NLGN4X: variants seen among roughly 807,000 people sequenced by gnomAD.
NLGN4X encodes neuroligin 4 X-linked, also known as neuroligin-4, X-linked.
A neutral mutation model predicts 40.3 loss-of-function variants in NLGN4X; 3 were observed. The ratio of observed to expected loss-of-function variants is 0.07; its 90% confidence interval spans 0.03 to 0.19. The LOEUF (loss-of-function observed/expected upper bound fraction) is 0.19, where lower values mean the gene tolerates loss of function less well. Among genes scored for constraint, NLGN4X ranks in the 10% least tolerant of loss-of-function variants. NLGN4X has a pLI of 1.00. For synonymous variants in NLGN4X, 270 were observed against 306.8 expected, an observed-to-expected ratio of 0.88 and a Z score of 1.25; for missense variants, 382 against 708.3, an observed-to-expected ratio of 0.54 and a Z score of 5.23.
chrX:6,186,948 T>C (rs1220078882), intron 1 of NLGN4X: 2 of 110,763 alleles, frequency 1.8e-5, no homozygotes, highest in Admixed American at 1.9e-4. Flanking sequence ...CTGTTTTCTC[T>C]AGAAATTTAA....
At chrX:6,051,670 C>T (rs781683238) in intron 2 of NLGN4X, among the ~76,000 whole-genome samples, 6 of 110,814 alleles carry the variant, frequency 5.4e-5, no homozygotes, top group African/African-American at 6.6e-5. Context: ...CCTCCAGAAC[C>T]GGGAGAGAAT....
intron 1 of NLGN4X, among the ~76,000 whole-genome samples, chrX:6,163,801 C>T (rs1033855276): frequency 1.3e-4 from 15 of 112,520 alleles, no homozygotes; most frequent in African/African-American, 4.8e-4. Flanking sequence ...TTCCTCAATG[C>T]TTACATTCAT....
At chrX:6,001,372 G>A (rs1462861780) in intron 3 of NLGN4X, among the ~76,000 whole-genome samples, 1 of 111,858 alleles carries the variant, frequency 8.9e-6, no homozygotes, top group African/African-American at 3.3e-5. Context: ...TAGAATCAGT[G>A]GAAATATGTG....
intron 2 of NLGN4X, among the ~76,000 whole-genome samples, chrX:6,096,918 T>C (rs980747547): frequency 2.8e-5 from 3 of 107,831 alleles, no homozygotes; most frequent in African/African-American, 1.0e-4. Flanking sequence ...GCCAAGGACA[T>C]TGATGGTGCT....
At chrX:5,966,110 T>C (rs1319327914) in intron 3 of NLGN4X, among the ~76,000 whole-genome samples, 6 of 112,116 alleles carry the variant, frequency 5.4e-5, no homozygotes, top group Admixed American at 4.7e-4. Flanking sequence ...AGATAAGATA[T>C]GGCTTTGAAA....
chrX:6,079,427 T>C (rs1376937290), intron 2 of NLGN4X, among the ~76,000 whole-genome samples: 2 of 112,765 alleles, frequency 1.8e-5, no homozygotes, highest in Non-Finnish European at 1.9e-5. Flanking sequence ...AATGCCATCT[T>C]GCAGAGATGC....
Position 5,956,112 on chromosome X carries a change from T to C in NLGN4X, c.626-46873A>G, listed in dbSNP as rs1051634519. Among the ~76,000 whole-genome samples, 5 of 108,591 alleles carry C rather than the reference T, an allele frequency of 4.6e-5. 1 individual carries two copies. The highest frequency in any genetic ancestry group is 2.0e-4 in the Admixed American group (2 of 9,928). 94.3% of individuals were successfully genotyped at this position (108,591 alleles called of 115,157 possible). A position where few individuals can be genotyped will look rare whatever the true frequency, so the allele number is the denominator to read the frequency against. Reference sequence around the variant, plus strand: ...ATCAAACTGTAGAAAACAATATGACTAATGAAATTAAATATAGATAATATA... The same window carrying C: ...ATCAAACTGTAGAAAACAATATGACCAATGAAATTAAATATAGATAATATA... On this transcript the variant is annotated intron_variant, in intron 3 of 5. Coordinates refer to ENST00000381095, the MANE Select transcript of NLGN4X (RefSeq NM_181332.3).
chrX:6,204,611 C>G (rs188916851), intron 1 of NLGN4X, among the ~76,000 whole-genome samples: 1 of 111,417 alleles, frequency 9.0e-6, no homozygotes, highest in Non-Finnish European at 1.9e-5. Context: ...GCACATGTAA[C>G]CCAGAAATAC....
chrX:6,082,807 G>A (rs1378068669), intron 2 of NLGN4X, among the ~76,000 whole-genome samples: 2 of 108,929 alleles, frequency 1.8e-5, no homozygotes, highest in Middle Eastern at 4.2e-3. Flanking sequence ...GTTCCAAGGG[G>A]CAAGGGCACG....
intron 2 of NLGN4X, among the ~76,000 whole-genome samples, chrX:6,042,730 T>TATAAATACACAC (rs1215396694): frequency 5.0e-5 from 1 of 20,149 alleles, no homozygotes; most frequent in African/African-American, 1.6e-4. Flanking sequence ...TATATATATA[T>TATAAATACACAC]ACACACACAC....
intron 3 of NLGN4X, among the ~76,000 whole-genome samples, chrX:5,955,993 A>G (rs2034480155): frequency 1.8e-5 from 2 of 109,874 alleles, no homozygotes; most frequent in Non-Finnish European, 3.8e-5. Flanking sequence ...AATTACAACC[A>G]TGTGTCTTCT....
chrX:6,183,178 TCTG>T (rs757306259), intron 1 of NLGN4X, among the ~76,000 whole-genome samples: 1 of 111,863 alleles, frequency 8.9e-6, no homozygotes, highest in African/African-American at 3.3e-5. Context: ...AGAGCTGGAG[TCTG>T]CTTTCTAAGC....
At chrX:6,024,654 T>C (rs1383613605) in intron 3 of NLGN4X, among the ~76,000 whole-genome samples, 8 of 111,395 alleles carry the variant, frequency 7.2e-5, no homozygotes, top group Non-Finnish European at 1.5e-4. Flanking sequence ...CTACTCATTA[T>C]ACGCTAATTA....
chrX:6,171,828 T>A (rs112173252), intron 1 of NLGN4X, among the ~76,000 whole-genome samples: 1 of 111,505 alleles, frequency 9.0e-6, no homozygotes, highest in Non-Finnish European at 1.9e-5. Context: ...ATCCCCAGTG[T>A]TGGAGATGGG....
At chrX:5,893,693 A>G in intron 5 of NLGN4X, 27 bp from the exon 6 acceptor site, 1 of 1,208,159 alleles carries the variant, frequency 8.3e-7, no homozygotes, top group African/African-American at 1.7e-5. Context: ...GAAAAAAAGA[A>G]AGGTCATACT....
chrX:5,963,686 A>G (rs766731278), intron 3 of NLGN4X, among the ~76,000 whole-genome samples: 1 of 112,117 alleles, frequency 8.9e-6, no homozygotes, highest in South Asian at 3.7e-4. Context: ...TCCTTGGAAA[A>G]GTTTAAAAGC....
chrX:5,923,164 C>T (rs1244368595), intron 3 of NLGN4X, among the ~76,000 whole-genome samples: 1 of 111,959 alleles, frequency 8.9e-6, no homozygotes, highest in Non-Finnish European at 1.9e-5. Flanking sequence ...GTCACCCAGG[C>T]TGAAGTGGCG....
intron 2 of NLGN4X, among the ~76,000 whole-genome samples, chrX:6,135,168 G>A (rs1464150923): frequency 8.9e-6 from 1 of 111,848 alleles, no homozygotes; most frequent in Non-Finnish European, 1.9e-5. Flanking sequence ...TTTGCCACCA[G>A]CTGACAGCTT....
chrX:5,978,304 CTTT>C lies in NLGN4X; in HGVS notation c.625+50973_625+50975del, dbSNP rs1264630738. On this transcript the variant is annotated intron_variant, in intron 3 of 5. Coordinates refer to ENST00000381095, the MANE Select transcript of NLGN4X (RefSeq NM_181332.3). ...TCTTTCTTTCTTTCTTTCTTTCTTT[CTTT>C]CTTTCTTTCTTTCTTTCTTTCTTTC... is the stretch of plus-strand genomic sequence containing the variant. 1.0e-3 allele frequency among the ~76,000 whole-genome samples: 91 copies of C among 91,325 alleles called. 1 individual carries two copies. Among genetic ancestry groups the C allele is most frequent in the African/African-American group, 2.5e-3 (55 of 22,006 alleles). The allele number at this position is 91,325 out of a possible 115,157, so 79.3% of individuals were successfully genotyped here.
Sources: gnomAD v4.1 joint callset for allele counts (sites outside exome capture counted in the v4.1 genomes callset) on GRCh38, gnomAD v4.1.1 for gene constraint, MANE v1.5 for transcripts, NCBI Gene and HGNC (gene_info 2026-07-23, HGNC 2026-07-21) for gene names.